Variants in IGF1R observed in about 807,000 individuals in gnomAD.
IGF1R encodes the protein insulin like growth factor 1 receptor, also known as insulin-like growth factor 1 receptor.
A neutral mutation model predicts 144.6 loss-of-function variants in IGF1R; 44 were observed. The observed-to-expected ratio is 0.30, with a 90% CI of 0.24 to 0.39. The LOEUF (loss-of-function observed/expected upper bound fraction) is 0.39, where lower values mean the gene tolerates loss of function less well. IGF1R is among the 10% of genes least tolerant of loss of function. The pLI, the probability that IGF1R is intolerant of heterozygous loss-of-function variation, is 1.00. For synonymous variants in IGF1R, 795 were observed against 722.8 expected, an observed-to-expected ratio of 1.10 and a Z score of -1.60; for missense variants, 1,355 against 1,833.7, an observed-to-expected ratio of 0.74 and a Z score of 4.77.
chr15:98,705,657 C>T (rs186630810), intron 1 of IGF1R, among the ~76,000 whole-genome samples: 8 of 152,316 alleles, frequency 5.3e-5, no homozygotes, highest in South Asian at 2.1e-4. Context: ...CTCTTCTCTT[C>T]GCTATCTCTG....
In IGF1R at chr15:98,660,775, G is replaced by GTGGA. The variant is rs575005202; in HGVS notation, c.94+11105_94+11108dup. On this transcript the variant is annotated intron_variant, in intron 1 of 20. Transcript: ENST00000650285. ...CTTGTGTCAAGATCACCTCATCCCTGTGGATGGAGACTTTGTTCCATAAGT... is the reference window on the plus strand; with the variant it reads ...CTTGTGTCAAGATCACCTCATCCCTGTGGATGGATGGAGACTTTGTTCCATAAGT... 1.9e-3 allele frequency: 287 copies of GTGGA among 152,346 alleles called. No homozygotes were observed. The Middle Eastern group carries it at 0.02, about 11-fold the overall frequency. 9.4% of individuals were successfully genotyped at this position (152,346 alleles called of 1,614,324 possible).
At chr15:98,911,952 T>G (rs1219026958) in intron 7 of IGF1R, among the ~76,000 whole-genome samples, 1 of 152,158 alleles carries the variant, frequency 6.6e-6, no homozygotes, top group Non-Finnish European at 1.5e-5. Context: ...CGAAGAAAAG[T>G]GGAGAGAGAA....
chr15:98,885,620 G>A (rs1596395913), intron 2 of IGF1R, among the ~76,000 whole-genome samples: 2 of 152,130 alleles, frequency 1.3e-5, no homozygotes, highest in African/African-American at 4.8e-5. Context: ...GTACCTTAGG[G>A]CAACCCAGAA....
chr15:98,775,274 T>C (rs2055683960), intron 2 of IGF1R, among the ~76,000 whole-genome samples: 2 of 152,168 alleles, frequency 1.3e-5, no homozygotes, highest in Non-Finnish European at 2.9e-5. Flanking sequence ...GCCCCATCTC[T>C]GTTTTAACAG....
chr15:98,944,306 A>G (rs1040910160), intron 19 of IGF1R, among the ~76,000 whole-genome samples: 4 of 152,266 alleles, frequency 2.6e-5, no homozygotes, highest in Non-Finnish European at 5.9e-5. Context: ...TGCACAAGCA[A>G]CAACAAAGGG....
chr15:98,739,091 T>G (rs1240140766), intron 2 of IGF1R, among the ~76,000 whole-genome samples: 3 of 152,170 alleles, frequency 2.0e-5, no homozygotes, highest in Non-Finnish European at 4.4e-5. Flanking sequence ...GGAAACAGTG[T>G]GTTCACTATT....
chr15:98,649,638 C>T lies in IGF1R; in HGVS notation c.57C>T (p.Leu19=), dbSNP rs1238785700. The change falls in exon 1 of 21, where the codon CTC becomes CTT. Residue 19 remains leucine, a synonymous_variant. Coordinates refer to ENST00000650285, the MANE Select transcript of IGF1R (RefSeq NM_000875.5). ...CCTCGCTGTGGGGGCTCCTGTTTCT[C>T]TCCGCCGCGCTCTCGCTCTGGCCGA... ...SPTSLWGLLF[L]SAALSLWPTS... The T allele has an allele frequency of 9.3e-6, 15 of 1,609,030 alleles. No homozygotes were observed. Among genetic ancestry groups the T allele is most frequent in the Non-Finnish European group, 1.7e-6 (2 of 1,178,326 alleles).
At chr15:98,815,076 C>A (rs1228741946) in intron 2 of IGF1R, among the ~76,000 whole-genome samples, 1 of 152,076 alleles carries the variant, frequency 6.6e-6, no homozygotes, top group Non-Finnish European at 1.5e-5. Flanking sequence ...TAGCTCTATT[C>A]TGATACTGTT....
At chr15:98,879,049 A>C (rs1355869660) in intron 2 of IGF1R, among the ~76,000 whole-genome samples, 1 of 152,090 alleles carries the variant, frequency 6.6e-6, no homozygotes, top group Non-Finnish European at 1.5e-5. Context: ...CTGTGTGTCC[A>C]TGCGTGAAGA....
At chr15:98,796,399 C>A (rs1248812688) in intron 2 of IGF1R, among the ~76,000 whole-genome samples, 1 of 152,212 alleles carries the variant, frequency 6.6e-6, no homozygotes, top group African/African-American at 2.4e-5. Context: ...GAAGCAAGAA[C>A]TCAGTGGGTG....
At position 98,962,342 on chromosome 15, in the gene IGF1R, G is replaced by T. The variant is rs1469656539; in HGVS notation, c.*4900G>T. ...GTTCTTTTCGTTAATGTTCCTCTGT[G>T]TTGTCAGCTGTCTTCATTTCCTGGG... On this transcript the variant is annotated 3_prime_UTR_variant, in exon 21 of 21. Transcript: ENST00000650285. 4 of 233,450 alleles carry T rather than the reference G, an allele frequency of 1.7e-5. No individual in the cohort carries two copies. Among genetic ancestry groups the T allele is most frequent in the Admixed American group, 5.6e-5 (1 of 17,782 alleles). The allele number at this position is 233,450 out of a possible 1,614,324, so 14.5% of individuals were successfully genotyped here. A position where few individuals can be genotyped will look rare whatever the true frequency, so the allele number is the denominator to read the frequency against.
At chr15:98,828,096 C>T (rs555116894) in intron 2 of IGF1R, among the ~76,000 whole-genome samples, 1 of 152,186 alleles carries the variant, frequency 6.6e-6, no homozygotes, top group Non-Finnish European at 1.5e-5. Flanking sequence ...GGCATTCACC[C>T]TCTGGTCCAG....
chr15:98,806,908 C>G (rs760941787), intron 2 of IGF1R, among the ~76,000 whole-genome samples: 2 of 152,120 alleles, frequency 1.3e-5, no homozygotes, highest in Admixed American at 6.5e-5. Context: ...CACCTGTAAT[C>G]CCAGCACGTT....
At chr15:98,841,773 C>A (rs1004050952) in intron 2 of IGF1R, among the ~76,000 whole-genome samples, 6 of 152,234 alleles carry the variant, frequency 3.9e-5, no homozygotes, top group African/African-American at 4.8e-5. Context: ...TTCTGGTCAT[C>A]TGCTGCACGG....
chr15:98,932,606 C>T (rs940675476), intron 15 of IGF1R, among the ~76,000 whole-genome samples: 1 of 152,220 alleles, frequency 6.6e-6, no homozygotes, highest in African/African-American at 2.4e-5. Flanking sequence ...TGATTAAAAG[C>T]AAGCCTGGAT....
intron 1 of IGF1R, among the ~76,000 whole-genome samples, chr15:98,673,994 G>T (rs539600242): frequency 6.6e-6 from 1 of 152,192 alleles, no homozygotes; most frequent in African/African-American, 2.4e-5. Flanking sequence ...TAAGGACTTC[G>T]ACAAGTTTCA....
At position 98,957,462 on chromosome 15, in the gene IGF1R, T is replaced by G. The variant is rs1216741472; in HGVS notation, c.*20T>G. On this transcript the variant is annotated 3_prime_UTR_variant, in exon 21 of 21. Coordinates refer to ENST00000650285, the MANE Select transcript of IGF1R (RefSeq NM_000875.5). Reference sequence around the variant, plus strand: ...TGCTGATCCTTGGATCCTGAATCTGTGCAAACAGTAACGTGTGCGCACGCG... The same window carrying G: ...TGCTGATCCTTGGATCCTGAATCTGGGCAAACAGTAACGTGTGCGCACGCG... 1 of 1,612,464 alleles carries G rather than the reference T, an allele frequency of 6.2e-7. No homozygotes were observed. Among genetic ancestry groups the G allele is most frequent in the African/African-American group, 1.3e-5 (1 of 75,024 alleles).
At chr15:98,892,245 A>T (rs894997940) in intron 3 of IGF1R, among the ~76,000 whole-genome samples, 1 of 152,016 alleles carries the variant, frequency 6.6e-6, no homozygotes, top group African/African-American at 2.4e-5. Flanking sequence ...TTGAGACTTC[A>T]CTTGGGAAGC....
chr15:98,957,512 G>C lies in IGF1R; in HGVS notation c.*70G>C. ...GCAGCGGGGTGGGGGGGGAGAGAGA[G>C]TTTTAACAATCCATTCACAAGCCTC... On this transcript the variant is annotated 3_prime_UTR_variant, in exon 21 of 21. Coordinates refer to ENST00000650285, the MANE Select transcript of IGF1R (RefSeq NM_000875.5). 1.3e-6 allele frequency: 2 copies of C among 1,594,866 alleles called. No homozygotes were observed. Among genetic ancestry groups the C allele is most frequent in the Non-Finnish European group, 1.7e-6 (2 of 1,167,222 alleles).
Sources: gnomAD v4.1 joint callset for allele counts (sites outside exome capture counted in the v4.1 genomes callset) on GRCh38, gnomAD v4.1.1 for gene constraint, MANE v1.5 for transcripts, NCBI Gene and HGNC (gene_info 2026-07-23, HGNC 2026-07-21) for gene names.